The following KCNN2 variants were observed in gnomAD, a reference collection of about 807,000 sequenced individuals.
KCNN2 encodes the protein potassium calcium-activated channel subfamily N member 2, also known as small conductance calcium-activated potassium channel protein 2.
KCNN2 carries 24 observed loss-of-function variants against 55.5 expected under a neutral mutation model. That is an observed-to-expected ratio of 0.43 (90% CI 0.31 to 0.61). The LOEUF (loss-of-function observed/expected upper bound fraction) is 0.61, where lower values mean the gene tolerates loss of function less well. Ranked by LOEUF, KCNN2 falls within the 20% of genes least tolerant of loss-of-function variation. The pLI is 0.08. For synonymous variants in KCNN2, 431 were observed against 336.1 expected (o/e 1.28, Z -3.09); for missense variants, 754 against 853.6 (o/e 0.88, Z 1.45).
chr5:114,362,679 C>G lies in KCNN2; in HGVS notation c.540C>G (p.Pro180=). 2 of 1,439,276 alleles carry G rather than the reference C, an allele frequency of 1.4e-6. No homozygotes were observed. The highest frequency in any genetic ancestry group is 2.8e-5 in the Admixed American group (1 of 35,716). 89.2% of individuals were successfully genotyped at this position (1,439,276 alleles called of 1,614,324 possible). A position where few individuals can be genotyped will look rare whatever the true frequency, so the allele number is the denominator to read the frequency against. ...GCCTCGGCAGTCTGGGCTCCGGGCC[C>G]CCGCTCTCGCACCACCACCACCACC... ...TGSLGSLGSG[P]PLSHHHHHPH... Residue 180 remains proline, a synonymous_variant, in exon 1 of 8, where the codon CCC becomes CCG. Transcript: ENST00000673685.
At chr5:114,225,866 A>G (rs1350950183) in intron 2 of KCNN2, among the ~76,000 whole-genome samples, 1 of 152,220 alleles carries the variant, frequency 6.6e-6, no homozygotes, top group Non-Finnish European at 1.5e-5. Context: ...AAAGATAATC[A>G]TCCACGTATT....
At chr5:114,295,484 G>A (rs1440614511) in intron 2 of KCNN2, among the ~76,000 whole-genome samples, 2 of 152,104 alleles carry the variant, frequency 1.3e-5, no homozygotes, top group Non-Finnish European at 1.5e-5. Context: ...AAACTCCATG[G>A]GCATGGGACC....
chr5:114,072,953 CTGCCATTTTA>C (rs1421263321), intron 1 of KCNN2, among the ~76,000 whole-genome samples: 1 of 152,076 alleles, frequency 6.6e-6, no homozygotes, highest in Non-Finnish European at 1.5e-5. Context: ...TATCTCTTAC[CTGCCATTTTA>C]TGCATAGGTA....
chr5:114,259,371 G>A (rs1265609961), intron 2 of KCNN2, among the ~76,000 whole-genome samples: 1 of 152,154 alleles, frequency 6.6e-6, no homozygotes, highest in Non-Finnish European at 1.5e-5. Context: ...GGGATCTGGC[G>A]ATTTGGAGAC....
intron 3 of KCNN2, chr5:114,433,808 C>T (rs1759896003): frequency 6.5e-6 from 1 of 153,874 alleles, no homozygotes. Context: ...CCGAACACAT[C>T]CGAACATCAG....
chr5:114,231,581 A>G lies in KCNN2; in HGVS notation c.-185+10016A>G, dbSNP rs114090271. On this transcript the variant is annotated intron_variant, in intron 2 of 10. Transcript: ENST00000512097. Reference sequence around the variant, plus strand: ...TTTAAGTGTGTTTACATGATGGTAGATGATACTGTGATCATTTATGCTGAT... The same window carrying G: ...TTTAAGTGTGTTTACATGATGGTAGGTGATACTGTGATCATTTATGCTGAT... 5.7e-3 allele frequency among the ~76,000 whole-genome samples: 861 copies of G among 151,266 alleles called. 8 individuals carry two copies. Among genetic ancestry groups the G allele is most frequent in the Non-Finnish European group, 9.4e-3 (639 of 68,018 alleles).
chr5:114,133,051 T>TCTGA, intron 1 of KCNN2, among the ~76,000 whole-genome samples: 1 of 152,334 alleles, frequency 6.6e-6, no homozygotes, highest in East Asian at 1.9e-4. Flanking sequence ...ATTAGAATTA[T>TCTGA]TTTAAAACCT....
intron 1 of KCNN2, among the ~76,000 whole-genome samples, chr5:114,078,521 C>A (rs2112536688): frequency 6.6e-6 from 1 of 152,280 alleles, no homozygotes; most frequent in African/African-American, 2.4e-5. Context: ...CTGATGAAGA[C>A]AGATGATCAG....
rs190491308 is a variant in KCNN2, at chr5:114,206,992, C to A, written c.-270-14488C>A. The stretch of plus-strand genomic sequence containing the variant: ...CAGACTTAGAATTCCCTATTCTGTG[C>A]CCCCTACAAAGGACTTAGTGTATAT... On this transcript the variant is annotated intron_variant, in intron 1 of 10. Coordinates refer to the KCNN2 transcript ENST00000512097. Among the ~76,000 whole-genome samples, 8 of 152,210 alleles carry A rather than the reference C, an allele frequency of 5.3e-5. No homozygotes were observed. In the East Asian group the frequency reaches 1.5e-3, roughly 29 times the overall value.
intron 2 of KCNN2, among the ~76,000 whole-genome samples, chr5:114,302,947 G>T (rs1756197309): frequency 6.6e-6 from 1 of 152,200 alleles, no homozygotes; most frequent in Non-Finnish European, 1.5e-5. Flanking sequence ...GGTTGGAAAG[G>T]ACCAGAAGAG....
In KCNN2 at chr5:114,362,966, C is replaced by G. The variant is rs746641435; in HGVS notation, c.827C>G (p.Pro276Arg). 6.3e-7 allele frequency: 1 copy of G among 1,589,420 alleles called. No homozygotes were observed. Among genetic ancestry groups the G allele is most frequent in the Non-Finnish European group, 8.5e-7 (1 of 1,174,314 alleles). ...GCCGCCGCTGTTTCGTCCTCAGCCCCCGAGATCGTGGTGTCTAAGCCCGAG... is the reference window on the plus strand; with the variant it reads ...GCCGCCGCTGTTTCGTCCTCAGCCCGCGAGATCGTGGTGTCTAAGCCCGAG... ...AAAAAVSSSA[P>R]EIVVSKPEHN... Residue 276 changes from proline (P) to arginine (R), a missense_variant, in exon 1 of 8, where the codon CCC (proline) becomes CGC (arginine). By Grantham distance (103) the Pro-to-Arg change is moderately radical (BLOSUM62 -2). Transcript: ENST00000673685.
At chr5:114,368,202 T>C (rs1757661737) in intron 2 of KCNN2, among the ~76,000 whole-genome samples, 1 of 152,134 alleles carries the variant, frequency 6.6e-6, no homozygotes, top group African/African-American at 2.4e-5. Flanking sequence ...TAAGTATACA[T>C]GGATTTTGGT....
chr5:114,377,925 C>T (rs564816960), intron 2 of KCNN2, among the ~76,000 whole-genome samples: 45 of 152,266 alleles, frequency 3.0e-4, no homozygotes, highest in African/African-American at 1.1e-3. Flanking sequence ...ATTGTTACTA[C>T]TCTTCTGTCA....
chr5:114,134,792 A>G (rs1285806954), intron 1 of KCNN2, among the ~76,000 whole-genome samples: 2 of 152,140 alleles, frequency 1.3e-5, no homozygotes, highest in Admixed American at 1.3e-4. Flanking sequence ...GATAATTCTT[A>G]TCTTCCTTAC....
chr5:114,281,660 T>TTTC (rs1561553511), intron 2 of KCNN2, among the ~76,000 whole-genome samples: 1 of 152,110 alleles, frequency 6.6e-6, no homozygotes, highest in Non-Finnish European at 1.5e-5. Context: ...TATGTGTGCA[T>TTTC]TTGTGTGTAT....
At chr5:114,325,295 A>G (rs1309612340) in intron 2 of KCNN2, among the ~76,000 whole-genome samples, 4 of 152,248 alleles carry the variant, frequency 2.6e-5, no homozygotes, top group Non-Finnish European at 4.4e-5. Flanking sequence ...AAAATGCAAG[A>G]AAAGAGATAT....
chr5:114,285,423 T>C (rs776585594), intron 2 of KCNN2, among the ~76,000 whole-genome samples: 1 of 151,830 alleles, frequency 6.6e-6, no homozygotes, highest in Non-Finnish European at 1.5e-5. Context: ...GGTTTAATAA[T>C]GTTAGAACAT....
chr5:114,113,409 A>C (rs34016127), intron 1 of KCNN2, among the ~76,000 whole-genome samples: 25,437 of 151,978 alleles, frequency 0.17, 2,217 homozygotes, highest in Middle Eastern at 0.22. Flanking sequence ...GAGAAGAAAA[A>C]GTCAAAGGTA....
Position 114,212,315 on chromosome 5 carries a change from T to G in KCNN2, c.-270-9165T>G, listed in dbSNP as rs191680711. On this transcript the variant is annotated intron_variant, in intron 1 of 10. Transcript: ENST00000512097. ...TCCAAAGGATTGCATGGTGCATAAT[T>G]CCCTTGGTGTGGCATGCTGATGATA... 3.9e-4 allele frequency among the ~76,000 whole-genome samples: 60 copies of G among 152,140 alleles called. 3 individuals are homozygous for G. Among genetic ancestry groups the G allele is most frequent in the Admixed American group, 1.3e-4 (2 of 15,270 alleles).
Sources: allele counts gnomAD v4.1 joint callset (sites outside exome capture counted in the v4.1 genomes callset), GRCh38; gene constraint gnomAD v4.1.1; transcripts MANE v1.5; gene names NCBI Gene and HGNC (gene_info 2026-07-23, HGNC 2026-07-21).